AFG2A: variants seen among roughly 807,000 people sequenced by gnomAD.
AFG2A encodes AAA ATPase AFG2A, also known as ATPase family gene 2 protein homolog A.
the AFG2A span, among the ~76,000 whole-genome samples, chr4:123,271,864 ATGTT>A: frequency 1.0e-3 from 58 of 56,574 alleles, no homozygotes; most frequent in African/African-American, 2.6e-3. Context: ...TATTCCTAAT[ATGTT>A]TTTTTTTTTT....
the AFG2A span, among the ~76,000 whole-genome samples, chr4:123,140,943 T>C: frequency 6.6e-6 from 1 of 152,258 alleles, no homozygotes; most frequent in African/African-American, 2.4e-5. Flanking sequence ...AATTATAGCA[T>C]CTAGATTGCA....
At chr4:123,145,897 G>A in the AFG2A span, among the ~76,000 whole-genome samples, 1 of 151,890 alleles carries the variant, frequency 6.6e-6, no homozygotes, top group Non-Finnish European at 1.5e-5. Context: ...TTAATCTTTG[G>A]ATTATTTTTT....
the AFG2A span, among the ~76,000 whole-genome samples, chr4:123,167,237 CTATA>C: frequency 6.7e-6 from 1 of 148,374 alleles, no homozygotes; most frequent in Non-Finnish European, 1.5e-5. Flanking sequence ...ATATAGATAT[CTATA>C]TATAATATAC....
At chr4:122,962,917 C>A in the AFG2A span, among the ~76,000 whole-genome samples, 1 of 152,182 alleles carries the variant, frequency 6.6e-6, no homozygotes, top group Non-Finnish European at 1.5e-5. Flanking sequence ...TTCTTTTTCA[C>A]CTCTCATCTA....
At chr4:123,028,788 A>T in the AFG2A span, among the ~76,000 whole-genome samples, 2 of 152,196 alleles carry the variant, frequency 1.3e-5, no homozygotes, top group African/African-American at 4.8e-5. Context: ...TGAACAAGAC[A>T]CTTGTTATGG....
the AFG2A span, chr4:123,256,233 G>A: frequency 6.3e-7 from 1 of 1,584,790 alleles, no homozygotes; most frequent in South Asian, 1.1e-5. Flanking sequence ...GTGGCTCAGG[G>A]TCATTAAGCA....
the AFG2A span, among the ~76,000 whole-genome samples, chr4:122,967,648 A>T: frequency 1.3e-5 from 2 of 152,122 alleles, no homozygotes; most frequent in African/African-American, 4.8e-5. Context: ...GGATTTCTGT[A>T]TAGAAAATTC....
chr4:122,945,145 G>A, the AFG2A span, among the ~76,000 whole-genome samples: 1 of 152,232 alleles, frequency 6.6e-6, no homozygotes, highest in Admixed American at 6.5e-5. Context: ...TGCGTGCTGG[G>A]AGAACCACGG....
the AFG2A span, among the ~76,000 whole-genome samples, chr4:123,134,592 A>T: frequency 1.7e-5 from 2 of 120,368 alleles, no homozygotes; most frequent in Admixed American, 1.0e-4. Context: ...TATGAATTTT[A>T]GGATTTTTTT....
At chr4:123,181,894 G>T in the AFG2A span, among the ~76,000 whole-genome samples, 1 of 152,146 alleles carries the variant, frequency 6.6e-6, no homozygotes, top group Admixed American at 6.5e-5. Flanking sequence ...CTTTACTACA[G>T]AAAATAATTT....
At chr4:123,092,451 C>A in the AFG2A span, among the ~76,000 whole-genome samples, 1 of 152,134 alleles carries the variant, frequency 6.6e-6, no homozygotes, top group Non-Finnish European at 1.5e-5. Flanking sequence ...AGATATATTT[C>A]TTGAAGTAGG....
chr4:122,967,258 G>A, the AFG2A span, among the ~76,000 whole-genome samples: 42 of 152,060 alleles, frequency 2.8e-4, no homozygotes, highest in Non-Finnish European at 5.3e-4. Flanking sequence ...AAATTAGCCG[G>A]TGGTGGTAGT....
the AFG2A span, among the ~76,000 whole-genome samples, chr4:123,271,866 GTTTT>G: frequency 2.7e-5 from 4 of 150,010 alleles, no homozygotes; most frequent in Admixed American, 2.0e-4. Context: ...TTCCTAATAT[GTTTT>G]TTTTTTTTTC....
chr4:123,128,284 A>AC, the AFG2A span, among the ~76,000 whole-genome samples: 109 of 152,168 alleles, frequency 7.2e-4, no homozygotes, highest in Non-Finnish European at 1.1e-3. Context: ...TGGGAAAAAA[A>AC]CCATTGTGTC....
At chr4:123,181,387 A>G in the AFG2A span, among the ~76,000 whole-genome samples, 1 of 152,024 alleles carries the variant, frequency 6.6e-6, no homozygotes. Flanking sequence ...CAAGGTGGAC[A>G]GATTGCTTGA....
chr4:123,148,326 G>A, the AFG2A span, among the ~76,000 whole-genome samples: 1 of 152,136 alleles, frequency 6.6e-6, no homozygotes, highest in Non-Finnish European at 1.5e-5. Context: ...TTGAAAAGTG[G>A]GGAGTGAGGG....
chr4:123,267,192 C>CCT, the AFG2A span, among the ~76,000 whole-genome samples: 6 of 151,934 alleles, frequency 3.9e-5, no homozygotes, highest in South Asian at 1.2e-3. Flanking sequence ...TTAAGGAAAC[C>CCT]CTCCACTAGT....
the AFG2A span, among the ~76,000 whole-genome samples, chr4:123,000,318 C>T: frequency 2.0e-5 from 3 of 151,188 alleles, no homozygotes; most frequent in Non-Finnish European, 4.4e-5. Flanking sequence ...CCTAATTGCC[C>T]TGGGCAGAAC....
chr4:123,204,439 G>A, the AFG2A span, among the ~76,000 whole-genome samples: 1 of 152,218 alleles, frequency 6.6e-6, no homozygotes, highest in East Asian at 1.9e-4. Context: ...ATTTTAATTT[G>A]CATTTCTCTA....
Sources: allele counts gnomAD v4.1 joint callset (sites outside exome capture counted in the v4.1 genomes callset), GRCh38; gene constraint gnomAD v4.1.1; transcripts MANE v1.5; gene names NCBI Gene and HGNC (gene_info 2026-07-23, HGNC 2026-07-21).